UHRF1: variants seen among roughly 807,000 people sequenced by gnomAD.
The protein encoded by UHRF1 is ubiquitin like with PHD and ring finger domains 1.
Under a neutral mutation model 96.5 loss-of-function variants are expected in UHRF1, and 9 were observed. The ratio of observed to expected loss-of-function variants is 0.09; its 90% confidence interval spans 0.06 to 0.16. The LOEUF (loss-of-function observed/expected upper bound fraction) is 0.16, where lower values mean the gene tolerates loss of function less well. Ranked by LOEUF, UHRF1 falls within the 10% of genes least tolerant of loss-of-function variation. UHRF1 has a pLI of 1.00. For synonymous variants in UHRF1, 455 were observed against 469.9 expected, an observed-to-expected ratio of 0.97 and a Z score of 0.41; for missense variants, 626 against 1,131.1, an observed-to-expected ratio of 0.55 and a Z score of 6.40.
Position 4,954,630 on chromosome 19 carries a change from C to T in UHRF1, c.1958-20C>T, listed in dbSNP as rs1356010678. 2.3e-5 allele frequency: 37 copies of T among 1,609,542 alleles called. No homozygotes were observed. Among genetic ancestry groups the T allele is most frequent in the Non-Finnish European group, 2.9e-5 (34 of 1,177,850 alleles). On this transcript the variant is annotated intron_variant, in intron 14 of 16. Transcript: ENST00000650932. This position sits in a 1 kb window ranked among gnomAD's most constrained non-coding sequence, Gnocchi z 5.9. ...GCTCGGGCCACGCGCCCCTCCCTCA[C>T]GCGCCCCACCCTCTTCCAGGAGGTG...
Position 4,947,490 on chromosome 19 carries a change from CTTTTTTT to C in UHRF1, c.1517+302_1517+308del, listed in dbSNP as rs985069179. Among the ~76,000 whole-genome samples the C allele has an allele frequency of 7.8e-3, 451 of 57,872 alleles. 4 individuals carry two copies. Among genetic ancestry groups the C allele is most frequent in the African/African-American group, 0.027 (399 of 14,958 alleles). 38.0% of individuals were successfully genotyped at this position (57,872 alleles called of 152,430 possible). ...CTATAAAAGGCCAGATAATAGATAT[CTTTTTTT>C]TTTTTTTTTTTTTTTTTTTTTTGGG... On this transcript the variant is annotated intron_variant, in intron 11 of 16. Transcript: ENST00000650932.
At chr19:4,936,482 A>C (rs1388921869) in intron 5 of UHRF1, among the ~76,000 whole-genome samples, 1 of 152,084 alleles carries the variant, frequency 6.6e-6, no homozygotes, top group East Asian at 1.9e-4. Context: ...TAGGTGGCTG[A>C]GCCCCAGGTC....
Position 4,932,354 on chromosome 19 carries a change from C to G in UHRF1, c.570-387C>G, listed in dbSNP as rs2033080463. Among the ~76,000 whole-genome samples the G allele has an allele frequency of 3.3e-5, 5 of 152,260 alleles. No homozygotes were observed. The South Asian group carries it at 1.0e-3, about 31-fold the overall frequency. On this transcript the variant is annotated intron_variant, in intron 4 of 16. Transcript: ENST00000650932. ...AAGTGCTGGGATTACAGGCGTGGGC[C>G]ACCTTGCCCGGCCTCTCCTCTTGTT...
chr19:4,950,363 C>G (rs964226399), intron 11 of UHRF1, among the ~76,000 whole-genome samples: 1 of 151,950 alleles, frequency 6.6e-6, no homozygotes, highest in Non-Finnish European at 1.5e-5. Flanking sequence ...CCTGCCTCAG[C>G]CTCCTGAGTA....
chr19:4,924,821 G>A (rs1250350642), intron 2 of UHRF1, among the ~76,000 whole-genome samples: 1 of 144,996 alleles, frequency 6.9e-6, no homozygotes, highest in Non-Finnish European at 1.5e-5. Context: ...TGCCCTTGGT[G>A]TTAAGTTTTT....
Position 4,941,831 on chromosome 19 carries a change from C to G in UHRF1, c.973C>G (p.Gln325Glu). The change falls in exon 7 of 17, where the codon CAG (glutamine) becomes GAG (glutamate). Residue 325 changes from glutamine (Q) to glutamate (E), a missense_variant. Coordinates refer to ENST00000650932, the MANE Select transcript of UHRF1 (RefSeq NM_001048201.3). Reference sequence around the variant, plus strand: ...CGCCTGCCACCTGTGCGGGGGCCGGCAGGACCCCGACAAGCAGCTCATGTG... The same window carrying G: ...CGCCTGCCACCTGTGCGGGGGCCGGGAGGACCCCGACAAGCAGCTCATGTG... ...VCACHLCGGR[Q>E]DPDKQLMCDE... 1 of 1,576,020 alleles carries G rather than the reference C, an allele frequency of 6.3e-7. No homozygotes were observed. The highest frequency in any genetic ancestry group is 8.6e-7 in the Non-Finnish European group (1 of 1,161,470).
chr19:4,953,560 C>G (rs1227270425), intron 13 of UHRF1, among the ~76,000 whole-genome samples: 1 of 151,988 alleles, frequency 6.6e-6, no homozygotes, highest in Non-Finnish European at 1.5e-5. Context: ...AACTCCTGGG[C>G]TCAAGTGATT....
chr19:4,926,566 A>T (rs1199238274), intron 2 of UHRF1, among the ~76,000 whole-genome samples: 2 of 152,046 alleles, frequency 1.3e-5, no homozygotes, highest in Non-Finnish European at 2.9e-5. Flanking sequence ...TGAGCCCCGG[A>T]GTTCAAAACC....
chr19:4,960,893 T>G lies in UHRF1; in HGVS notation c.*90T>G. The G allele has an allele frequency of 1.5e-6, 1 of 688,290 alleles. No homozygotes were observed. The highest frequency in any genetic ancestry group is 2.4e-6 in the Non-Finnish European group (1 of 410,406). The allele number at this position is 688,290 out of a possible 1,614,324, so 42.6% of individuals were successfully genotyped here. On this transcript the variant is annotated 3_prime_UTR_variant, in exon 17 of 17. Transcript: ENST00000650932. ...GATTTTGTTCTTAGTGGGCTTAACT[T>G]AAACAGGTAGTGTTTCCTCCGTTCC...
chr19:4,940,563 C>T (rs372900815), intron 5 of UHRF1, among the ~76,000 whole-genome samples: 570 of 146,282 alleles, frequency 3.9e-3, no homozygotes, highest in African/African-American at 0.015. Flanking sequence ...GACGGGGTTT[C>T]ACTATGTTGG....
At chr19:4,957,756 A>T (rs1310134198) in intron 16 of UHRF1, among the ~76,000 whole-genome samples, 1 of 151,948 alleles carries the variant, frequency 6.6e-6, no homozygotes, top group Non-Finnish European at 1.5e-5. Context: ...GCCCCCACCC[A>T]CTCCATGCCA....
chr19:4,947,240 T>C (rs762790054), intron 11 of UHRF1, 29 bp downstream of exon 11: 2 of 1,587,096 alleles, frequency 1.3e-6, no homozygotes, highest in East Asian at 2.2e-5. Context: ...CTTATTTCCT[T>C]GCTGATGCAT....
At chr19:4,912,609 C>A (rs774839954) in intron 2 of UHRF1, among the ~76,000 whole-genome samples, 1 of 152,154 alleles carries the variant, frequency 6.6e-6, no homozygotes, top group Non-Finnish European at 1.5e-5. Flanking sequence ...TATCTTGAAG[C>A]GCTCTGTCTT....
rs766964010 is a variant in UHRF1, at chr19:4,950,679, C to T, written c.1586C>T (p.Ser529Leu). 1.2e-5 allele frequency: 19 copies of T among 1,609,466 alleles called. No individual in the cohort carries two copies. The highest frequency in any genetic ancestry group is 1.5e-5 in the Non-Finnish European group (18 of 1,178,094). ...QEGAEAKDWR[S>L]GKPVRVVRNV... ...GGGGCCGAGGCCAAGGACTGGCGGT[C>T]GGGGAAGCCGGTCAGGGTGGTGCGC... The change falls in exon 12 of 17, where the codon TCG (serine) becomes TTG (leucine). Residue 529 changes from serine to leucine, a missense_variant. Coordinates refer to ENST00000650932, the MANE Select transcript of UHRF1 (RefSeq NM_001048201.3).
chr19:4,918,753 C>T, intron 2 of UHRF1, among the ~76,000 whole-genome samples: 1 of 131,310 alleles, frequency 7.6e-6, no homozygotes, highest in African/African-American at 2.9e-5. Context: ...CAGGCTCTTG[C>T]TCTGTTGCCC....
At chr19:4,915,800 T>A (rs1323097878) in intron 2 of UHRF1, among the ~76,000 whole-genome samples, 1 of 152,172 alleles carries the variant, frequency 6.6e-6, no homozygotes, top group Non-Finnish European at 1.5e-5. Flanking sequence ...TTAGATTGCA[T>A]ACTTTAATCC....
At chr19:4,910,827 C>T in intron 1 of UHRF1, 49 bp from the exon 2 acceptor site, 1 of 1,555,784 alleles carries the variant, frequency 6.4e-7, no homozygotes, top group South Asian at 1.2e-5. Context: ...TGGCATGGCT[C>T]AGAGGTGCTG....
chr19:4,944,991 G>C (rs1444382687), intron 9 of UHRF1, among the ~76,000 whole-genome samples: 3 of 152,204 alleles, frequency 2.0e-5, no homozygotes, highest in Admixed American at 6.5e-5. Flanking sequence ...AGACATGAGT[G>C]TCCCCTTGGA....
At chr19:4,939,079 C>CA (rs1434486762) in intron 5 of UHRF1, among the ~76,000 whole-genome samples, 1 of 140,836 alleles carries the variant, frequency 7.1e-6, no homozygotes, top group Admixed American at 7.2e-5. Context: ...GCACCTGGCT[C>CA]ATTTTTTTTT....
Sources: gnomAD v4.1 joint callset for allele counts (sites outside exome capture counted in the v4.1 genomes callset) on GRCh38, gnomAD v4.1.1 for gene constraint, Gnocchi (gnomAD v3.1) non-coding constraint, MANE v1.5 for transcripts, NCBI Gene and HGNC (gene_info 2026-07-23, HGNC 2026-07-21) for gene names.